The following XNDC1N variants were observed in gnomAD, a reference collection of about 807,000 sequenced individuals.
The protein encoded by XNDC1N is XRCC1 N-terminal domain containing 1, N-terminal like, also known as protein XNDC1N.
At chr11:71,926,161 T>G in the XNDC1N span, 1 of 151,604 alleles carries the variant, frequency 6.6e-6, no homozygotes, top group Non-Finnish European at 1.5e-5. Flanking sequence ...TCCAAGCTAC[T>G]CAGGAGGCTG....
chr11:71,871,604 C>A, the XNDC1N span, among the ~76,000 whole-genome samples: 1 of 152,112 alleles, frequency 6.6e-6, no homozygotes. Context: ...ACATTGAATT[C>A]ATAAATCATA....
chr11:71,917,915 G>C, the XNDC1N span: 1 of 603,512 alleles, frequency 1.7e-6, no homozygotes, highest in Non-Finnish European at 3.0e-6. Context: ...GTCCCACAGG[G>C]AGCCAGTAAC....
the XNDC1N span, among the ~76,000 whole-genome samples, chr11:71,889,562 T>C: frequency 9.8e-5 from 15 of 152,312 alleles, no homozygotes; most frequent in African/African-American, 3.4e-4. Flanking sequence ...CCACAGCTGC[T>C]AGGAGCTGCA....
the XNDC1N span, among the ~76,000 whole-genome samples, chr11:71,911,841 C>G: frequency 5.3e-5 from 8 of 152,214 alleles, no homozygotes; most frequent in African/African-American, 1.7e-4. Flanking sequence ...CCCGCGCTGA[C>G]TCAGAGGCTC....
chr11:71,886,937 A>T, the XNDC1N span, among the ~76,000 whole-genome samples: 2 of 152,304 alleles, frequency 1.3e-5, no homozygotes, highest in Admixed American at 6.5e-5. Context: ...AGTTTGCAGC[A>T]TAACCAGTGT....
the XNDC1N span, among the ~76,000 whole-genome samples, chr11:71,868,781 T>C: frequency 6.6e-6 from 1 of 152,176 alleles, no homozygotes; most frequent in Non-Finnish European, 1.5e-5. Context: ...TTGTGTAGTA[T>C]CTTGCAGGGG....
At chr11:71,878,549 A>G in the XNDC1N span, 10 of 1,594,066 alleles carry the variant, frequency 6.3e-6, no homozygotes, top group African/African-American at 8.1e-5. Context: ...TTCTAAAAAT[A>G]TAAGTAAAAG....
the XNDC1N span, chr11:71,928,152 G>A: frequency 2.6e-6 from 1 of 386,820 alleles, no homozygotes; most frequent in Non-Finnish European, 4.7e-6. Flanking sequence ...GTGTGCCGAG[G>A]TGTGTGAACT....
chr11:71,881,888 T>C, the XNDC1N span, among the ~76,000 whole-genome samples: 12 of 152,150 alleles, frequency 7.9e-5, no homozygotes, highest in East Asian at 1.9e-4. Context: ...GAAAAATATA[T>C]GTGTAATGAA....
chr11:71,904,888 C>T, the XNDC1N span, among the ~76,000 whole-genome samples: 2 of 151,858 alleles, frequency 1.3e-5, no homozygotes, highest in African/African-American at 2.4e-5. Flanking sequence ...GATATACACC[C>T]TGGTGCCATT....
the XNDC1N span, chr11:71,893,450 G>C: frequency 1.9e-5 from 14 of 718,924 alleles, no homozygotes; most frequent in Non-Finnish European, 3.1e-5. Flanking sequence ...TCCTTCTCAA[G>C]GTGTCCAAGA....
the XNDC1N span, among the ~76,000 whole-genome samples, chr11:71,904,602 G>A: frequency 2.0e-5 from 3 of 151,998 alleles, no homozygotes; most frequent in Non-Finnish European, 4.4e-5. Context: ...TCCTTCTAGG[G>A]TATTGCAGAT....
chr11:71,872,693 A>G, the XNDC1N span, among the ~76,000 whole-genome samples: 1 of 152,166 alleles, frequency 6.6e-6, no homozygotes, highest in Non-Finnish European at 1.5e-5. Flanking sequence ...GCGCCACTGC[A>G]CTATAGCCTG....
chr11:71,925,330 G>A, the XNDC1N span, among the ~76,000 whole-genome samples: 2 of 152,032 alleles, frequency 1.3e-5, no homozygotes, highest in African/African-American at 2.4e-5. Flanking sequence ...TCTGTTGAAC[G>A]AATGACCATA....
the XNDC1N span, among the ~76,000 whole-genome samples, chr11:71,921,702 TG>T: frequency 1.3e-5 from 2 of 152,182 alleles, no homozygotes; most frequent in Middle Eastern, 3.2e-3. Context: ...CACGCGTGCA[TG>T]TTTTTTTGAT....
At chr11:71,920,638 A>C in the XNDC1N span, among the ~76,000 whole-genome samples, 23 of 152,316 alleles carry the variant, frequency 1.5e-4, no homozygotes, top group African/African-American at 5.3e-4. Flanking sequence ...TTATCTTTAT[A>C]GTTATTCTGT....
At chr11:71,900,442 GGA>G in the XNDC1N span, among the ~76,000 whole-genome samples, 1 of 152,098 alleles carries the variant, frequency 6.6e-6, no homozygotes, top group Non-Finnish European at 1.5e-5. Context: ...AGGACAAACA[GGA>G]GAGTGTGGTG....
At chr11:71,916,358 C>T in the XNDC1N span, 1 of 624,636 alleles carries the variant, frequency 1.6e-6, no homozygotes, top group Non-Finnish European at 2.9e-6. Context: ...TAGAGAGTAA[C>T]CTCCAACAAA....
the XNDC1N span, among the ~76,000 whole-genome samples, chr11:71,922,131 G>A: frequency 6.6e-6 from 1 of 152,208 alleles, no homozygotes; most frequent in Non-Finnish European, 1.5e-5. Flanking sequence ...CTACACTCCA[G>A]CCTGGGCAAC....
Sources: gnomAD v4.1 joint callset for allele counts (sites outside exome capture counted in the v4.1 genomes callset) on GRCh38, gnomAD v4.1.1 for gene constraint, MANE v1.5 for transcripts, NCBI Gene and HGNC (gene_info 2026-07-23, HGNC 2026-07-21) for gene names.